PEX19: variants seen among roughly 807,000 people sequenced by gnomAD.
PEX19 encodes the protein peroxisomal biogenesis factor 19.
A neutral mutation model predicts 36.3 loss-of-function variants in PEX19; 29 were observed. The ratio of observed to expected loss-of-function variants is 0.80; its 90% confidence interval spans 0.60 to 1.09. PEX19 has a LOEUF of 1.09. PEX19 is among the 50% of genes least tolerant of loss of function. The pLI, the probability that PEX19 is intolerant of heterozygous loss-of-function variation, is 0.00. For synonymous variants in PEX19, 141 were observed against 135.2 expected, an observed-to-expected ratio of 1.04 and a Z score of -0.30; for missense variants, 396 against 368.1, an observed-to-expected ratio of 1.08 and a Z score of -0.62.
At position 160,279,289 on chromosome 1, in the gene PEX19, T is replaced by C. The variant is rs1424620072; in HGVS notation, c.*262A>G. 1.5e-6 allele frequency: 1 copy of C among 647,914 alleles called. No individual in the cohort carries two copies. The highest frequency in any genetic ancestry group is 2.8e-6 in the Non-Finnish European group (1 of 352,136). The allele number at this position is 647,914 out of a possible 1,614,324, so 40.1% of individuals were successfully genotyped here. A position where few individuals can be genotyped will look rare whatever the true frequency, so the allele number is the denominator to read the frequency against. On this transcript the variant is annotated 3_prime_UTR_variant, in exon 8 of 8. Coordinates refer to ENST00000368072, the MANE Select transcript of PEX19 (RefSeq NM_002857.4). ...GCATGCCCCAAAAGGGATGCCTTCC[T>C]TCACCTTGCAGGTAGCTGGAACTTT...
rs781769894 is a variant in PEX19 at position 160,279,870 on chromosome 1, T to A, written c.772-25A>T. On this transcript the variant is annotated intron_variant, in intron 6 of 7. Transcript: ENST00000368072. ...GCTAGAAAATAAGGAAAATGGAACA[T>A]GAAATAGAGAAAAGCCCAGAAAACA... The A allele has an allele frequency of 1.1e-5, 18 of 1,600,420 alleles. 1 individual carries two copies. The Admixed American group carries it at 3.0e-4, about 27-fold the overall frequency.
intron 1 of PEX19, among the ~76,000 whole-genome samples, chr1:160,284,834 C>G (rs944786587): frequency 3.3e-5 from 5 of 152,210 alleles, no homozygotes; most frequent in African/African-American, 4.8e-5. Flanking sequence ...CATCCACCAT[C>G]CGGACCACTG....
In PEX19 at chr1:160,280,081, G is replaced by C; in HGVS notation, c.760C>G (p.Leu254Val). The change falls in exon 6 of 8, where the codon CTT (leucine) becomes GTT (valine). Residue 254 changes from leucine (L) to valine (V), a missense_variant. Transcript: ENST00000368072. ...GCAAGAGGCCTTACCTGCTGCATAA[G>C]ATCCAGCACCATCTCAAAACGAGCC... is the stretch of plus-strand genomic sequence containing the variant. Reference protein sequence around the residue: ...QKARFEMVLDLMQQLQDLGHP... With the variant: ...QKARFEMVLDVMQQLQDLGHP... The C allele has an allele frequency of 6.2e-7, 1 of 1,613,140 alleles. No homozygotes were observed. Among genetic ancestry groups the C allele is most frequent in the Non-Finnish European group, 8.5e-7 (1 of 1,179,088 alleles).
chr1:160,277,741 T>G lies in PEX19; in HGVS notation c.*1810A>C. ...TCATAGAGAAGGGCTCTTTTGTTCT[T>G]CCCTCCTCCTCTCTATCCTTGTCCA... On this transcript the variant is annotated 3_prime_UTR_variant, in exon 8 of 8. Coordinates refer to ENST00000368072, the MANE Select transcript of PEX19 (RefSeq NM_002857.4). The G allele has an allele frequency of 2.2e-6, 1 of 463,590 alleles. No homozygotes were observed. Among genetic ancestry groups the G allele is most frequent in the Non-Finnish European group, 4.3e-6 (1 of 233,480 alleles). 28.7% of individuals were successfully genotyped at this position (463,590 alleles called of 1,614,324 possible).
In PEX19 at chr1:160,277,284, G is replaced by A; in HGVS notation, c.*2267C>T. ...CTTTTTAGCATTTCAATGTTGCTGT[G>A]ATATCCAAGTACATGATCAATGGAC... On this transcript the variant is annotated 3_prime_UTR_variant, in exon 8 of 8. Coordinates refer to ENST00000368072, the MANE Select transcript of PEX19 (RefSeq NM_002857.4). The A allele has an allele frequency of 2.2e-6, 1 of 455,800 alleles. No individual in the cohort carries two copies. The highest frequency in any genetic ancestry group is 1.5e-5 in the South Asian group (1 of 64,546). The allele number at this position is 455,800 out of a possible 1,614,324, so 28.2% of individuals were successfully genotyped here.
Position 160,279,040 on chromosome 1 carries a change from G to A in PEX19, c.*511C>T, listed in dbSNP as rs1045096231. On this transcript the variant is annotated 3_prime_UTR_variant, in exon 8 of 8. Coordinates refer to ENST00000368072, the MANE Select transcript of PEX19 (RefSeq NM_002857.4). Reference sequence around the variant, plus strand: ...TTAGAGAATTCAGAATGGTCTGTCTGAAGGCAAGAGAGCATAGTGACAGAC... The same window carrying A: ...TTAGAGAATTCAGAATGGTCTGTCTAAAGGCAAGAGAGCATAGTGACAGAC... 4.4e-6 allele frequency: 2 copies of A among 454,302 alleles called. No individual in the cohort carries two copies. Among genetic ancestry groups the A allele is most frequent in the Non-Finnish European group, 8.8e-6 (2 of 226,920 alleles). 28.1% of individuals were successfully genotyped at this position (454,302 alleles called of 1,614,324 possible).
In PEX19 at chr1:160,278,490, G is replaced by A. The variant is rs1057962; in HGVS notation, c.*1061C>T. ...AGAAAAAGACCACACTCCTCACTCA[G>A]AATATTTATTATATTCTGCCCCATG... On this transcript the variant is annotated 3_prime_UTR_variant, in exon 8 of 8. Transcript: ENST00000368072. 2.0e-6 allele frequency: 1 copy of A among 510,408 alleles called. No individual in the cohort carries two copies. The highest frequency in any genetic ancestry group is 2.3e-5 in the Admixed American group (1 of 44,328). The allele number at this position is 510,408 out of a possible 1,614,324, so 31.6% of individuals were successfully genotyped here.
rs911670643 is a variant in PEX19 at position 160,278,238 on chromosome 1, T to C, written c.*1313A>G. ...AAACATAACAATATATTACTAACAT[T>C]AATAACAATAATGTAAAAGGTTAAA... On this transcript the variant is annotated 3_prime_UTR_variant, in exon 8 of 8. Coordinates refer to ENST00000368072, the MANE Select transcript of PEX19 (RefSeq NM_002857.4). 2 of 701,036 alleles carry C rather than the reference T, an allele frequency of 2.9e-6. No individual in the cohort carries two copies. The highest frequency in any genetic ancestry group is 5.2e-6 in the Non-Finnish European group (2 of 384,758). The allele number at this position is 701,036 out of a possible 1,614,324, so 43.4% of individuals were successfully genotyped here.
Position 160,278,080 on chromosome 1 carries a change from T to A in PEX19, c.*1471A>T, listed in dbSNP as rs2301299. 2,338 of 702,516 alleles carry A rather than the reference T, an allele frequency of 3.3e-3. 32 individuals carry two copies. The East Asian group carries it at 0.04, about 12-fold the overall frequency. The allele number at this position is 702,516 out of a possible 1,614,324, so 43.5% of individuals were successfully genotyped here. ...GCATGTGAATTTGCTTTGGAGAGAC[T>A]TATCTTCTGAGTGAACCAGGACAGC... On this transcript the variant is annotated 3_prime_UTR_variant, in exon 8 of 8. Coordinates refer to ENST00000368072, the MANE Select transcript of PEX19 (RefSeq NM_002857.4).
Position 160,281,984 on chromosome 1 carries a change from A to G in PEX19, c.594+55T>C, listed in dbSNP as rs1657787664. The G allele has an allele frequency of 2.7e-6, 4 of 1,482,324 alleles. No individual in the cohort carries two copies. In the Admixed American group the frequency reaches 5.0e-5, roughly 19 times the overall value. The allele number at this position is 1,482,324 out of a possible 1,614,324, so 91.8% of individuals were successfully genotyped here. A position where few individuals can be genotyped will look rare whatever the true frequency, so the allele number is the denominator to read the frequency against. On this transcript the variant is annotated intron_variant, in intron 5 of 7. Coordinates refer to ENST00000368072, the MANE Select transcript of PEX19 (RefSeq NM_002857.4). ...GCTCTGAGTAGACAAAATAGCCCAC[A>G]TCAGTTGATGTGATGGAAAATGAAG...
At chr1:160,282,553 T>A in intron 3 of PEX19, 51 bp from the exon 4 acceptor site, 2 of 1,370,256 alleles carry the variant, frequency 1.5e-6, no homozygotes, top group South Asian at 2.3e-5. Flanking sequence ...TTTCCTTGCC[T>A]AGACTGAACT....
chr1:160,284,194 C>G (rs1250081006), intron 1 of PEX19: 6 of 471,350 alleles, frequency 1.3e-5, no homozygotes, highest in Non-Finnish European at 2.6e-5. Flanking sequence ...TCCCCAACAA[C>G]CTTCTAGAGC....
At position 160,285,089 on chromosome 1, in the gene PEX19, G is replaced by A. The variant is rs1329227329; in HGVS notation, c.36C>T (p.Ala12=). ...GCTCCTCCAATTCCCTGTCCGCTTC[G>A]GCCCCGACACTACAGCCTTCCTCAG... ...AAAEEGCSVG[A]EADRELEELL... The change falls in exon 1 of 8, where the codon GCC becomes GCT. Residue 12 remains alanine, a synonymous_variant. Coordinates refer to ENST00000368072, the MANE Select transcript of PEX19 (RefSeq NM_002857.4). The A allele has an allele frequency of 6.2e-7, 1 of 1,613,920 alleles. No individual in the cohort carries two copies. The highest frequency in any genetic ancestry group is 8.5e-7 in the Non-Finnish European group (1 of 1,179,876).
rs1422041641 is a variant in PEX19 at position 160,279,296 on chromosome 1, T to G, written c.*255A>C. The G allele has an allele frequency of 1.5e-6, 1 of 656,144 alleles. No individual in the cohort carries two copies. The highest frequency in any genetic ancestry group is 2.8e-6 in the Non-Finnish European group (1 of 357,288). The allele number at this position is 656,144 out of a possible 1,614,324, so 40.6% of individuals were successfully genotyped here. On this transcript the variant is annotated 3_prime_UTR_variant, in exon 8 of 8. Transcript: ENST00000368072. ...CCAAAAGGGATGCCTTCCTTCACCT[T>G]GCAGGTAGCTGGAACTTTGATAGTG...
At chr1:160,280,767 C>T (rs1557853942) in intron 5 of PEX19, among the ~76,000 whole-genome samples, 1 of 152,150 alleles carries the variant, frequency 6.6e-6, no homozygotes, top group Non-Finnish European at 1.5e-5. Flanking sequence ...AATCTGTCCA[C>T]CGTGGCCTCC....
At chr1:160,284,446 G>A (rs955452117) in intron 1 of PEX19, among the ~76,000 whole-genome samples, 8 of 152,172 alleles carry the variant, frequency 5.3e-5, no homozygotes, top group Non-Finnish European at 1.0e-4. Flanking sequence ...GTAATGCTAA[G>A]AAAACATCCC....
rs141133579 is a variant in PEX19, at chr1:160,280,067, T to C, written c.771+3A>G. ...CCAGTGGGCAGAAGGCAAGAGGCCT[T>C]ACCTGCTGCATAAGATCCAGCACCA... On this transcript the variant is annotated splice_donor_region_variant and intron_variant, in intron 6 of 7. Transcript: ENST00000368072. 5.5e-3 allele frequency: 8,940 copies of C among 1,613,042 alleles called. 34 individuals are homozygous for C. The highest frequency in any genetic ancestry group is 6.2e-3 in the Non-Finnish European group (7,333 of 1,179,062).
Position 160,277,030 on chromosome 1 carries a change from T to C in PEX19, c.*2521A>G, listed in dbSNP as rs1657565015. ...AGAGAAATGCTAGAGATGTCCTTAC[T>C]AGTGACACATTCTTGCTGAAGAACA... On this transcript the variant is annotated 3_prime_UTR_variant, in exon 8 of 8. Coordinates refer to ENST00000368072, the MANE Select transcript of PEX19 (RefSeq NM_002857.4). 2.2e-6 allele frequency: 1 copy of C among 453,940 alleles called. No individual in the cohort carries two copies. Among genetic ancestry groups the C allele is most frequent in the Admixed American group, 2.4e-5 (1 of 42,542 alleles). 28.1% of individuals were successfully genotyped at this position (453,940 alleles called of 1,614,324 possible). A position where few individuals can be genotyped will look rare whatever the true frequency, so the allele number is the denominator to read the frequency against.
chr1:160,281,909 CAAAT>C (rs1315582176), intron 5 of PEX19, 126 bp downstream of exon 5: 5 of 790,218 alleles, frequency 6.3e-6, no homozygotes, highest in Middle Eastern at 2.7e-4. Flanking sequence ...CTCCCTGCCT[CAAAT>C]AAATAAAGAA....
Sources: gnomAD v4.1 joint callset for allele counts (sites outside exome capture counted in the v4.1 genomes callset) on GRCh38, gnomAD v4.1.1 for gene constraint, MANE v1.5 for transcripts, NCBI Gene and HGNC (gene_info 2026-07-23, HGNC 2026-07-21) for gene names.